The following TRDN variants were observed in gnomAD, a reference collection of about 807,000 sequenced individuals.
The protein encoded by TRDN is triadin, also known as triadin in skeletal muscle.
In TRDN, 161 loss-of-function variants were observed where a neutral mutation model predicts 149.7. The ratio of observed to expected loss-of-function variants is 1.08; its 90% confidence interval spans 0.95 to 1.23. TRDN has a LOEUF of 1.23. TRDN is among the 50% of genes most tolerant of loss of function. TRDN has a pLI of 0.00. For synonymous variants in TRDN, 294 were observed against 250.5 expected (o/e 1.17, Z -1.64); for missense variants, 896 against 823.5 (o/e 1.09, Z -1.08).
At chr6:123,273,068 A>G (rs1777257227) in intron 28 of TRDN, 57 bp from the exon 29 acceptor site, 4 of 1,144,816 alleles carry the variant, frequency 3.5e-6, no homozygotes, top group Non-Finnish European at 4.9e-6. Flanking sequence ...GAAAATAGCT[A>G]GCAGATTTTA....
chr6:123,303,972 G>A (rs1053724134), intron 24 of TRDN, among the ~76,000 whole-genome samples: 1 of 152,074 alleles, frequency 6.6e-6, no homozygotes, highest in Middle Eastern at 3.2e-3. Flanking sequence ...AAATTTGGGA[G>A]ACACATAACT....
At chr6:123,346,605 A>AGAG (rs1398043287) in intron 21 of TRDN, among the ~76,000 whole-genome samples, 2 of 152,032 alleles carry the variant, frequency 1.3e-5, no homozygotes, top group African/African-American at 4.8e-5. Context: ...CCAGAATGAC[A>AGAG]GAGTGTCTCT....
intron 35 of TRDN, among the ~76,000 whole-genome samples, chr6:123,258,062 C>T (rs1350550476): frequency 1.3e-5 from 2 of 152,132 alleles, no homozygotes; most frequent in Admixed American, 1.3e-4. Context: ...TCTAAATATA[C>T]AATCATGTCA....
In TRDN at chr6:123,551,342, T is replaced by TATAC. The variant is rs1554256527; in HGVS notation, c.233-2731_233-2730insGTAT. Among the ~76,000 whole-genome samples, 265 of 141,198 alleles carry TATAC rather than the reference T, an allele frequency of 1.9e-3. 1 individual carries two copies. The highest frequency in any genetic ancestry group is 6.8e-3 in the African/African-American group (254 of 37,424). The allele number at this position is 141,198 out of a possible 152,430, so 92.6% of individuals were successfully genotyped here. ...TGGACCACTTCTTCCAAAACCTAAA[T>TATAC]ACACACACACACACACACACACACA... On this transcript the variant is annotated intron_variant, in intron 2 of 40. Coordinates refer to ENST00000334268, the MANE Select transcript of TRDN (RefSeq NM_006073.4).
chr6:123,422,454 T>A (rs928044299), intron 12 of TRDN, among the ~76,000 whole-genome samples: 41 of 152,134 alleles, frequency 2.7e-4, no homozygotes, highest in African/African-American at 9.9e-4. Flanking sequence ...ATGGGAAAAG[T>A]TATGGGAGAT....
chr6:123,374,198 A>T (rs576900037), intron 19 of TRDN, among the ~76,000 whole-genome samples: 1 of 152,308 alleles, frequency 6.6e-6, no homozygotes, highest in East Asian at 1.9e-4. Flanking sequence ...CCTGCAAAAT[A>T]TGCTGATCTC....
At chr6:123,289,014 GGGGTGT>G (rs1777899767) in intron 24 of TRDN, among the ~76,000 whole-genome samples, 1 of 96,306 alleles carries the variant, frequency 1.0e-5, no homozygotes, top group East Asian at 1.3e-3. Flanking sequence ...AAAAATGTGG[GGGGTGT>G]GTGTGTGTGT....
At chr6:123,597,692 T>G (rs1348501918) in intron 1 of TRDN, among the ~76,000 whole-genome samples, 1 of 152,118 alleles carries the variant, frequency 6.6e-6, no homozygotes, top group African/African-American at 2.4e-5. Flanking sequence ...CAAGACACTT[T>G]ACCAGCAAAA....
intron 1 of TRDN, among the ~76,000 whole-genome samples, chr6:123,573,052 A>G (rs1244197687): frequency 6.6e-6 from 1 of 152,086 alleles, no homozygotes. Flanking sequence ...CTCTTGCTCT[A>G]CCATCACAAC....
Position 123,592,980 on chromosome 6 carries a change from G to C in TRDN, c.23-21848C>G, listed in dbSNP as rs139265233. On this transcript the variant is annotated intron_variant, in intron 1 of 40. Coordinates refer to ENST00000334268, the MANE Select transcript of TRDN (RefSeq NM_006073.4). The stretch of plus-strand genomic sequence containing the variant: ...GATACACATTATATATTCAAATTTG[G>C]ATATTAAACTCATTGGTTCAGTGTT... Among the ~76,000 whole-genome samples, 71 of 152,064 alleles carry C rather than the reference G, an allele frequency of 4.7e-4. 1 individual carries two copies. Among genetic ancestry groups the C allele is most frequent in the African/African-American group, 1.7e-3 (71 of 41,494 alleles).
intron 2 of TRDN, among the ~76,000 whole-genome samples, chr6:123,557,299 T>C (rs1164208949): frequency 1.3e-5 from 2 of 152,086 alleles, no homozygotes; most frequent in Admixed American, 6.6e-5. Flanking sequence ...GGACCTCCCT[T>C]GGGAGATCAA....
intron 37 of TRDN, among the ~76,000 whole-genome samples, chr6:123,254,505 G>A (rs970476601): frequency 3.3e-5 from 5 of 152,052 alleles, no homozygotes; most frequent in African/African-American, 1.2e-4. Context: ...CTTTTTTAAA[G>A]TAATTGAATT....
intron 10 of TRDN, among the ~76,000 whole-genome samples, chr6:123,440,588 A>G (rs1482307147): frequency 6.6e-6 from 1 of 152,210 alleles, no homozygotes; most frequent in Non-Finnish European, 1.5e-5. Flanking sequence ...GGGGTTAATT[A>G]AAATACAAAT....
chr6:123,417,984 T>G (rs979219980), intron 12 of TRDN, among the ~76,000 whole-genome samples: 2 of 152,182 alleles, frequency 1.3e-5, no homozygotes, highest in African/African-American at 4.8e-5. Flanking sequence ...AGTGGCTATT[T>G]TTGTCAAGGG....
intron 1 of TRDN, among the ~76,000 whole-genome samples, chr6:123,576,939 C>A (rs1782886736): frequency 6.6e-6 from 1 of 151,572 alleles, no homozygotes; most frequent in Admixed American, 6.6e-5. Context: ...ATATAACTCA[C>A]CTGCACATGT....
intron 9 of TRDN, among the ~76,000 whole-genome samples, chr6:123,485,746 T>C (rs1777945670): frequency 6.6e-6 from 1 of 152,090 alleles, no homozygotes; most frequent in African/African-American, 2.4e-5. Context: ...CCTATAAAGT[T>C]ATCTCATTTT....
At chr6:123,323,976 A>T (rs1779351266) in intron 23 of TRDN, among the ~76,000 whole-genome samples, 1 of 152,212 alleles carries the variant, frequency 6.6e-6, no homozygotes, top group African/African-American at 2.4e-5. Context: ...AAATTGTCAG[A>T]ATCAGGCCCT....
At chr6:123,549,679 T>A (rs73536782) in intron 2 of TRDN, among the ~76,000 whole-genome samples, 4,911 of 151,970 alleles carry the variant, frequency 0.032, 107 homozygotes, top group African/African-American at 0.066. Flanking sequence ...TGTGTTGAAG[T>A]TTGAAAGGGT....
chr6:123,496,259 C>T (rs965156745), intron 9 of TRDN, among the ~76,000 whole-genome samples: 2 of 150,708 alleles, frequency 1.3e-5, no homozygotes, highest in Non-Finnish European at 3.0e-5. Flanking sequence ...CAACATTTTC[C>T]GGAGTGCAAA....
Sources: gnomAD v4.1 joint callset for allele counts (sites outside exome capture counted in the v4.1 genomes callset) on GRCh38, gnomAD v4.1.1 for gene constraint, MANE v1.5 for transcripts, NCBI Gene and HGNC (gene_info 2026-07-23, HGNC 2026-07-21) for gene names.